The following OPRM1 variants were observed in gnomAD, a reference collection of about 807,000 sequenced individuals.
OPRM1 encodes the protein mu-type opioid receptor.
Under a neutral mutation model 31.8 loss-of-function variants are expected in OPRM1, and 27 were observed. The ratio of observed to expected loss-of-function variants is 0.85; its 90% CI spans 0.63 to 1.17. The LOEUF (loss-of-function observed/expected upper bound fraction) is 1.17, where lower values mean the gene tolerates loss of function less well. Among genes scored for constraint, OPRM1 ranks in the 50% most tolerant of loss-of-function variants. OPRM1 has a pLI of 0.00. For synonymous variants in OPRM1, 196 were observed against 189.9 expected (o/e 1.03, Z -0.26); for missense variants, 536 against 511.1 (o/e 1.05, Z -0.47).
chr6:154,134,162 G>A (rs976899060), downstream of OPRM1, among the ~76,000 whole-genome samples: 3 of 152,190 alleles, frequency 2.0e-5, no homozygotes, highest in African/African-American at 7.2e-5. Context: ...CAACATCCAT[G>A]CCTAATTTCT....
At chr6:154,177,440 A>G (rs1333630723) in intron 3 of OPRM1, among the ~76,000 whole-genome samples, 2 of 152,246 alleles carry the variant, frequency 1.3e-5, no homozygotes, top group Non-Finnish European at 2.9e-5. Flanking sequence ...ACAAATTTAT[A>G]AGAAAAAAAC....
chr6:154,058,969 A>G (rs1419271659), intron 1 of OPRM1, among the ~76,000 whole-genome samples: 1 of 152,228 alleles, frequency 6.6e-6, no homozygotes, highest in Non-Finnish European at 1.5e-5. Context: ...TGAGAGCTAC[A>G]TTACCCTGAA....
At chr6:154,069,373 G>A (rs993626649) in intron 1 of OPRM1, among the ~76,000 whole-genome samples, 21 of 152,060 alleles carry the variant, frequency 1.4e-4, no homozygotes, top group Admixed American at 1.4e-3. Context: ...CCAGTAGCAG[G>A]GATTACAGGT....
intron 1 of OPRM1, among the ~76,000 whole-genome samples, chr6:154,029,972 T>C (rs1435972331): frequency 6.6e-6 from 1 of 152,164 alleles, no homozygotes; most frequent in Non-Finnish European, 1.5e-5. Context: ...CAGTCTCAGA[T>C]ATGTTTTATT....
chr6:154,231,783 T>C (rs1779744060), intron 3 of OPRM1, among the ~76,000 whole-genome samples: 1 of 152,228 alleles, frequency 6.6e-6, no homozygotes, highest in South Asian at 2.1e-4. Flanking sequence ...GACTTGGTTG[T>C]AACTTGTTAC....
chr6:154,149,597 C>CGT (rs59431090), intron 3 of OPRM1, among the ~76,000 whole-genome samples: 18,428 of 148,370 alleles, frequency 0.12, 1,230 homozygotes, highest in South Asian at 0.23. Flanking sequence ...CATTCTGGAT[C>CGT]GTGTGTGTGT....
At chr6:154,211,457 A>G (rs993558714) in intron 3 of OPRM1, among the ~76,000 whole-genome samples, 11 of 152,126 alleles carry the variant, frequency 7.2e-5, no homozygotes, top group African/African-American at 2.7e-4. Flanking sequence ...TATAAAGCTA[A>G]ACAGACTGGG....
chr6:154,034,786 G>A (rs568180059), upstream of OPRM1, among the ~76,000 whole-genome samples: 2 of 152,122 alleles, frequency 1.3e-5, no homozygotes, highest in Admixed American at 6.5e-5. Flanking sequence ...TCTGTAACTG[G>A]AAATTGAAGA....
intron 1 of OPRM1, chr6:154,073,922 G>A (rs1193016449): frequency 1.3e-5 from 2 of 152,198 alleles, no homozygotes; most frequent in Non-Finnish European, 2.9e-5. Flanking sequence ...AACCTGGGAG[G>A]TGGAGGTTGC....
At chr6:154,069,932 C>T (rs1786285625) in intron 1 of OPRM1, among the ~76,000 whole-genome samples, 1 of 151,966 alleles carries the variant, frequency 6.6e-6, no homozygotes, top group South Asian at 2.1e-4. Context: ...TAATGTCTGA[C>T]CCCCAAAAAA....
chr6:154,237,254 A>G (rs1332574627), intron 3 of OPRM1, among the ~76,000 whole-genome samples: 1 of 152,186 alleles, frequency 6.6e-6, no homozygotes, highest in East Asian at 1.9e-4. Context: ...ATGTGCCCAC[A>G]CCCTCACCAT....
At chr6:154,095,150 G>T (rs489261) in intron 3 of OPRM1, among the ~76,000 whole-genome samples, 101,746 of 151,944 alleles carry the variant, frequency 0.67, 34,380 homozygotes, top group East Asian at 0.9. Context: ...AATTAGCCAG[G>T]TGTGGTGGCA....
chr6:154,074,827 T>G (rs1339684846), intron 1 of OPRM1, among the ~76,000 whole-genome samples: 2 of 150,332 alleles, frequency 1.3e-5, no homozygotes, highest in Non-Finnish European at 3.0e-5. Flanking sequence ...GGGATGGAAA[T>G]GGAGAGTATG....
At chr6:154,081,454 C>G (rs141266915) in intron 1 of OPRM1, among the ~76,000 whole-genome samples, 1 of 151,900 alleles carries the variant, frequency 6.6e-6, no homozygotes, top group South Asian at 2.1e-4. Context: ...TGCAGTGAGC[C>G]GAGATCGCGC....
intron 3 of OPRM1, among the ~76,000 whole-genome samples, chr6:154,242,600 G>A (rs1377262792): frequency 1.3e-5 from 2 of 152,176 alleles, no homozygotes; most frequent in Non-Finnish European, 2.9e-5. Context: ...AGTAAGAAAA[G>A]TATAGGCCAA....
chr6:154,138,483 C>T (rs1798114587), intron 3 of OPRM1, among the ~76,000 whole-genome samples: 1 of 152,124 alleles, frequency 6.6e-6, no homozygotes, highest in Admixed American at 6.5e-5. Context: ...GGCTCATGTG[C>T]CTGCTTTCTG....
intron 3 of OPRM1, among the ~76,000 whole-genome samples, chr6:154,211,272 C>T (rs984023408): frequency 1.8e-4 from 28 of 151,924 alleles, no homozygotes; most frequent in African/African-American, 6.5e-4. Context: ...AAAAATTAGC[C>T]GGGCGAGGTG....
intron 3 of OPRM1, among the ~76,000 whole-genome samples, chr6:154,235,531 CAAAA>C (rs34877577): frequency 1.0e-5 from 1 of 97,586 alleles, no homozygotes; most frequent in African/African-American, 3.7e-5. Flanking sequence ...AACTCTGTCA[CAAAA>C]AAAAAAAAAA....
intron 3 of OPRM1, among the ~76,000 whole-genome samples, chr6:154,222,655 T>A (rs1468475647): frequency 6.6e-6 from 1 of 151,916 alleles, no homozygotes; most frequent in Non-Finnish European, 1.5e-5. Flanking sequence ...GAGCTGGTAA[T>A]TTTTTTTGGT....
Sources: allele counts gnomAD v4.1 joint callset (sites outside exome capture counted in the v4.1 genomes callset), GRCh38; gene constraint gnomAD v4.1.1; transcripts MANE v1.5; gene names NCBI Gene and HGNC (gene_info 2026-07-23, HGNC 2026-07-21).